Variants in KCNH1 observed in about 807,000 individuals in gnomAD.
The protein encoded by KCNH1 is voltage-gated delayed rectifier potassium channel KCNH1.
Under a neutral mutation model 69.2 loss-of-function variants are expected in KCNH1, and 27 were observed. The ratio of observed to expected loss-of-function variants is 0.39; its 90% CI spans 0.29 to 0.54. The LOEUF (loss-of-function observed/expected upper bound fraction) is 0.54, where lower values mean the gene tolerates loss of function less well. Among genes scored for constraint, KCNH1 ranks in the 20% least tolerant of loss-of-function variants. The probability of loss-of-function intolerance (pLI) is 0.68; values close to 1 mark genes in which losing one functional copy is unlikely to be tolerated. For missense variants in KCNH1, 798 were observed against 1,261.6 expected, an observed-to-expected ratio of 0.63 and a Z score of 5.57; for synonymous variants, 456 against 487.7, an observed-to-expected ratio of 0.93 and a Z score of 0.86.
intron 10 of KCNH1, among the ~76,000 whole-genome samples, chr1:210,767,373 G>C (rs1683658287): frequency 6.6e-6 from 1 of 152,168 alleles, no homozygotes; most frequent in South Asian, 2.1e-4. Flanking sequence ...ATCTCTGTTT[G>C]GGATTTTACT....
intron 7 of KCNH1, among the ~76,000 whole-genome samples, chr1:210,908,264 G>A (rs994193955): frequency 2.0e-5 from 3 of 152,182 alleles, no homozygotes; most frequent in Admixed American, 6.5e-5. Flanking sequence ...TTGTGGAGGG[G>A]AGAGAGAAAG....
chr1:211,001,170 A>G (rs1689170876), intron 6 of KCNH1, among the ~76,000 whole-genome samples: 1 of 152,226 alleles, frequency 6.6e-6, no homozygotes, highest in African/African-American at 2.4e-5. Flanking sequence ...AATGGGATGT[A>G]ATCAAACTAA....
intron 7 of KCNH1, 113 bp from the exon 8 acceptor site, chr1:210,804,279 C>T: frequency 1.2e-6 from 1 of 840,952 alleles, no homozygotes; most frequent in Non-Finnish European, 1.9e-6. Context: ...GCTGTCCCTC[C>T]CCAGTGCAGA....
At chr1:210,940,344 A>C (rs1373555750) in intron 6 of KCNH1, among the ~76,000 whole-genome samples, 1 of 152,224 alleles carries the variant, frequency 6.6e-6, no homozygotes. Flanking sequence ...AGCAAGCACA[A>C]GTTAGCTGCC....
intron 7 of KCNH1, among the ~76,000 whole-genome samples, chr1:210,817,928 T>A (rs1684852674): frequency 6.6e-6 from 1 of 152,130 alleles, no homozygotes; most frequent in Non-Finnish European, 1.5e-5. Context: ...TTTAGGGACA[T>A]CCCTGGCCTC....
intron 1 of KCNH1, 58 bp from the exon 2 acceptor site, chr1:211,107,435 T>C (rs1024712042): frequency 9.2e-6 from 14 of 1,517,616 alleles, no homozygotes; most frequent in Middle Eastern, 1.7e-4. Flanking sequence ...TTAGTTGAGA[T>C]TCAATGAGGA....
chr1:210,730,449 T>C (rs866790404), intron 10 of KCNH1, among the ~76,000 whole-genome samples: 8 of 152,162 alleles, frequency 5.3e-5, no homozygotes, highest in Non-Finnish European at 8.8e-5. Flanking sequence ...ATGACCTTTT[T>C]AAGGGTAGCA....
At position 211,128,005 on chromosome 1, in the gene KCNH1, A is replaced by C. The variant is rs538090155; in HGVS notation, c.79+5862T>G. On this transcript the variant is annotated intron_variant, in intron 1 of 10. Coordinates refer to ENST00000271751, the MANE Select transcript of KCNH1 (RefSeq NM_172362.3). The stretch of plus-strand genomic sequence containing the variant: ...CACGATGCAGCAGTGAAAATGCATC[A>C]ACAGGCCAGGCGTGGTGGCTCGTGC... Among the ~76,000 whole-genome samples the C allele has an allele frequency of 2.6e-5, 4 of 152,336 alleles. No individual in the cohort carries two copies. The East Asian group carries it at 7.7e-4, about 29-fold the overall frequency.
At chr1:210,913,855 G>C (rs1777242) in intron 7 of KCNH1, among the ~76,000 whole-genome samples, 35,466 of 152,066 alleles carry the variant, frequency 0.23, 5,008 homozygotes, top group Non-Finnish European at 0.31. Flanking sequence ...TCCCTTCCCA[G>C]TGTGGCTAGG....
chr1:210,696,024 C>G (rs925440045), intron 10 of KCNH1, among the ~76,000 whole-genome samples: 72 of 152,342 alleles, frequency 4.7e-4, no homozygotes, highest in Non-Finnish European at 8.8e-5. Flanking sequence ...TAGTCCCACT[C>G]TCCAGCAGTT....
At position 210,734,841 on chromosome 1, in the gene KCNH1, A is replaced by G. The variant is rs528288160; in HGVS notation, c.2112+40507T>C. ...AAGGTTGTTTGAAGGACTAAAGGAA[A>G]TAATCTAGTTGCAGACACTGAAGAA... On this transcript the variant is annotated intron_variant, in intron 10 of 10. Transcript: ENST00000271751. Among the ~76,000 whole-genome samples, 26 of 152,322 alleles carry G rather than the reference A, an allele frequency of 1.7e-4. 1 individual carries two copies. The South Asian group carries it at 5.0e-3, about 29-fold the overall frequency.
chr1:210,997,114 T>A (rs1013624374), intron 6 of KCNH1, among the ~76,000 whole-genome samples: 1 of 152,138 alleles, frequency 6.6e-6, no homozygotes, highest in African/African-American at 2.4e-5. Flanking sequence ...CCTCTCCTCC[T>A]CGAAAGAAAC....
At chr1:210,853,155 CT>C (rs1685746887) in intron 7 of KCNH1, among the ~76,000 whole-genome samples, 1 of 152,136 alleles carries the variant, frequency 6.6e-6, no homozygotes, top group African/African-American at 2.4e-5. Flanking sequence ...GATTCAACCC[CT>C]AGCTCTGCCA....
At chr1:210,748,130 A>C (rs1211770796) in intron 10 of KCNH1, among the ~76,000 whole-genome samples, 1 of 152,170 alleles carries the variant, frequency 6.6e-6, no homozygotes, top group Admixed American at 6.5e-5. Context: ...AGGGTGATGC[A>C]TCATGTGTCA....
chr1:211,062,385 C>G (rs1423501007), intron 5 of KCNH1, among the ~76,000 whole-genome samples: 1 of 152,144 alleles, frequency 6.6e-6, no homozygotes, highest in African/African-American at 2.4e-5. Context: ...TGGGGAAACT[C>G]TCCAATACAT....
At chr1:210,973,273 T>C (rs1688546320) in intron 6 of KCNH1, among the ~76,000 whole-genome samples, 1 of 152,150 alleles carries the variant, frequency 6.6e-6, no homozygotes. Flanking sequence ...TAACAAAATA[T>C]GAGATCGATC....
At chr1:211,098,981 T>C (rs9645357) in intron 3 of KCNH1, among the ~76,000 whole-genome samples, 64,715 of 152,002 alleles carry the variant, frequency 0.43, 14,088 homozygotes, top group Admixed American at 0.47. Flanking sequence ...GACACAGCAA[T>C]TCTCAACTTC....
chr1:210,948,784 C>T (rs994898900), intron 6 of KCNH1, among the ~76,000 whole-genome samples: 13 of 150,644 alleles, frequency 8.6e-5, no homozygotes, highest in Non-Finnish European at 1.3e-4. Flanking sequence ...GCCGAGATCA[C>T]GCCACTGCCC....
At chr1:210,720,289 C>T (rs1337049467) in intron 10 of KCNH1, among the ~76,000 whole-genome samples, 1 of 152,152 alleles carries the variant, frequency 6.6e-6, no homozygotes. Context: ...GAATTGAGGA[C>T]TTCATTGCAT....
Sources: gnomAD v4.1 joint callset for allele counts (sites outside exome capture counted in the v4.1 genomes callset) on GRCh38, gnomAD v4.1.1 for gene constraint, MANE v1.5 for transcripts, NCBI Gene and HGNC (gene_info 2026-07-23, HGNC 2026-07-21) for gene names.